TCERG1: variants seen among roughly 807,000 people sequenced by gnomAD.
The protein encoded by TCERG1 is transcription elongation regulator 1.
Under a neutral mutation model 144.7 loss-of-function variants are expected in TCERG1, and 37 were observed. The observed-to-expected ratio is 0.26, with a 90% CI of 0.20 to 0.34. The LOEUF is 0.34. Among genes scored for constraint, TCERG1 ranks in the 10% least tolerant of loss-of-function variants. The pLI is 1.00. For synonymous variants in TCERG1, 492 were observed against 458.2 expected, an observed-to-expected ratio of 1.07 and a Z score of -0.94; for missense variants, 1,027 against 1,380.7, an observed-to-expected ratio of 0.74 and a Z score of 4.06.
chr5:146,492,296 C>G (rs1312005879), intron 15 of TCERG1, among the ~76,000 whole-genome samples: 1 of 152,090 alleles, frequency 6.6e-6, no homozygotes, highest in Non-Finnish European at 1.5e-5. Flanking sequence ...GTTGAGTGCT[C>G]TCATATCTGT....
chr5:146,498,427 C>G, intron 16 of TCERG1, 109 bp from the exon 17 acceptor site: 1 of 1,159,746 alleles, frequency 8.6e-7, no homozygotes, highest in Non-Finnish European at 1.2e-6. Context: ...ATGTTGAGTC[C>G]CAGTGTCTCT....
At chr5:146,451,159 C>T (rs1222441856) in intron 1 of TCERG1, among the ~76,000 whole-genome samples, 2 of 152,104 alleles carry the variant, frequency 1.3e-5, no homozygotes, top group African/African-American at 4.8e-5. Context: ...GAGTAGGGTA[C>T]ATTATTAACT....
intron 12 of TCERG1, 51 bp downstream of exon 12, chr5:146,480,145 G>C (rs780729833): frequency 7.1e-7 from 1 of 1,402,098 alleles, no homozygotes. Context: ...TTTAAAAGTC[G>C]ATTTGGTAAT....
intron 16 of TCERG1, among the ~76,000 whole-genome samples, chr5:146,493,639 A>C (rs766071592): frequency 5.3e-5 from 8 of 152,108 alleles, no homozygotes; most frequent in Non-Finnish European, 1.2e-4. Flanking sequence ...AATTTTATAT[A>C]TATGCATACA....
intron 1 of TCERG1, among the ~76,000 whole-genome samples, chr5:146,452,052 T>G (rs1347939225): frequency 6.6e-6 from 1 of 152,060 alleles, no homozygotes; most frequent in Admixed American, 6.6e-5. Flanking sequence ...CCTCCCAAAG[T>G]GCTGAGATTA....
chr5:146,484,505 A>G (rs1021713064), intron 15 of TCERG1, among the ~76,000 whole-genome samples: 1 of 152,234 alleles, frequency 6.6e-6, no homozygotes, highest in Non-Finnish European at 1.5e-5. Context: ...AATTCTTCAC[A>G]TGGTGTGTAC....
In TCERG1 at chr5:146,479,894, A is replaced by C. The variant is rs1322824133; in HGVS notation, c.1802A>C (p.Gln601Pro). The C allele has an allele frequency of 6.8e-6, 11 of 1,613,446 alleles. No individual in the cohort carries two copies. Among genetic ancestry groups the C allele is most frequent in the Admixed American group, 1.7e-5 (1 of 59,984 alleles). Reference protein sequence around the residue: ...TPTMLSIQKWQFSMSAIKEEQ... With the variant: ...TPTMLSIQKWPFSMSAIKEEQ... The stretch of plus-strand genomic sequence containing the variant: ...ACAATGCTGTCGATCCAAAAGTGGC[A>C]ATTCTCTATGAGTGCAAGTGAGTGA... Residue 601 changes from glutamine to proline, a missense_variant, in exon 11 of 23, where the codon CAA becomes CCA. By Grantham distance (76) the Gln-to-Pro change is moderately conservative (BLOSUM62 -1). Transcript: ENST00000679501.
intron 1 of TCERG1, among the ~76,000 whole-genome samples, chr5:146,452,365 A>G (rs1762428364): frequency 2.0e-5 from 3 of 152,174 alleles, no homozygotes; most frequent in South Asian, 2.1e-4. Context: ...TACTCAGTAA[A>G]TGGGTGGAAT....
intron 15 of TCERG1, among the ~76,000 whole-genome samples, chr5:146,485,401 A>G (rs1765733470): frequency 6.6e-6 from 1 of 152,170 alleles, no homozygotes; most frequent in Non-Finnish European, 1.5e-5. Context: ...GAGGCTAGAA[A>G]CTTTGTCTTC....
intron 15 of TCERG1, among the ~76,000 whole-genome samples, chr5:146,488,610 T>C (rs948103363): frequency 6.6e-6 from 1 of 152,194 alleles, no homozygotes; most frequent in African/African-American, 2.4e-5. Context: ...GGGAACTCTT[T>C]ATATACTGTT....
At chr5:146,480,185 G>A in intron 12 of TCERG1, 91 bp downstream of exon 12, 1 of 995,794 alleles carries the variant, frequency 1.0e-6, no homozygotes, top group Non-Finnish European at 1.5e-6. Flanking sequence ...CAGGTAATGT[G>A]AATGTTGTTA....
intron 16 of TCERG1, among the ~76,000 whole-genome samples, chr5:146,496,828 C>T (rs1766947370): frequency 1.3e-5 from 2 of 149,646 alleles, no homozygotes; most frequent in Non-Finnish European, 3.0e-5. Flanking sequence ...CCATGCCCAA[C>T]CAATTTTTAA....
chr5:146,474,572 C>A (rs1035279763), intron 9 of TCERG1, among the ~76,000 whole-genome samples: 1 of 152,152 alleles, frequency 6.6e-6, no homozygotes, highest in Non-Finnish European at 1.5e-5. Flanking sequence ...AACAGCATTG[C>A]ATGCTACAGA....
At chr5:146,481,255 T>C in intron 13 of TCERG1, 55 bp downstream of exon 13, 1 of 842,760 alleles carries the variant, frequency 1.2e-6, no homozygotes, top group Non-Finnish European at 1.4e-6. Flanking sequence ...ATTTCCTTTA[T>C]TGAGATAGAT....
chr5:146,479,793 A>G (rs1229320069), intron 10 of TCERG1, 62 bp from the exon 11 acceptor site: 1 of 1,563,558 alleles, frequency 6.4e-7, no homozygotes, highest in East Asian at 2.3e-5. Flanking sequence ...AATTTTTAAA[A>G]AGAAAAGTTT....
chr5:146,505,202 G>A (rs957637615), intron 19 of TCERG1, among the ~76,000 whole-genome samples: 9 of 152,116 alleles, frequency 5.9e-5, no homozygotes, highest in African/African-American at 2.2e-4. Flanking sequence ...GTGGGCCACG[G>A]GTTGGAAAAC....
At chr5:146,500,684 T>A (rs1767340978) in intron 17 of TCERG1, among the ~76,000 whole-genome samples, 1 of 152,192 alleles carries the variant, frequency 6.6e-6, no homozygotes, top group African/African-American at 2.4e-5. Context: ...TTTCATGTAG[T>A]TTTTACCACT....
intron 4 of TCERG1, 88 bp downstream of exon 4, chr5:146,459,425 TG>T (rs1393955744): frequency 6.5e-7 from 1 of 1,527,064 alleles, no homozygotes; most frequent in Non-Finnish European, 8.8e-7. Flanking sequence ...CCAGTGTTTC[TG>T]GTATTATCCT....
chr5:146,463,804 A>G lies in TCERG1; in HGVS notation c.1135+11A>G. On this transcript the variant is annotated intron_variant, in intron 5 of 22. Coordinates refer to ENST00000679501, the MANE Select transcript of TCERG1 (RefSeq NM_001382548.1). ...CAATTCCACTTCCAGGTAAACCAAC[A>G]GATTATAATGGTCTTTCCAGCTATG... The G allele has an allele frequency of 6.2e-7, 1 of 1,614,176 alleles. No individual in the cohort carries two copies. The highest frequency in any genetic ancestry group is 8.5e-7 in the Non-Finnish European group (1 of 1,180,020).
Sources: gnomAD v4.1 joint callset for allele counts (sites outside exome capture counted in the v4.1 genomes callset) on GRCh38, gnomAD v4.1.1 for gene constraint, MANE v1.5 for transcripts, NCBI Gene and HGNC (gene_info 2026-07-23, HGNC 2026-07-21) for gene names.